Variants in PIK3C2B observed in about 807,000 individuals in gnomAD.
The protein encoded by PIK3C2B is phosphatidylinositol-4-phosphate 3-kinase catalytic subunit type 2 beta, also known as phosphatidylinositol 4-phosphate 3-kinase C2 domain-containing subunit beta.
In PIK3C2B, 83 loss-of-function variants were observed where a neutral mutation model predicts 184.3. That is an observed-to-expected ratio of 0.45 (90% CI 0.38 to 0.54). The LOEUF is 0.54. Ranked by LOEUF, PIK3C2B falls within the 20% of genes least tolerant of loss-of-function variation. PIK3C2B has a pLI of 0.00. For synonymous variants in PIK3C2B, 779 were observed against 837.6 expected (o/e 0.93, Z 1.21); for missense variants, 1,736 against 2,113.5 (o/e 0.82, Z 3.50).
chr1:204,445,601 CA>C (rs11287807), intron 16 of PIK3C2B, among the ~76,000 whole-genome samples: 24,185 of 121,494 alleles, frequency 0.2, 2,031 homozygotes, highest in East Asian at 0.43. Context: ...GACCCTGTCT[CA>C]AAAAAAAAAA....
intron 5 of PIK3C2B, among the ~76,000 whole-genome samples, chr1:204,461,623 G>A (rs1655342892): frequency 6.6e-6 from 1 of 152,184 alleles, no homozygotes; most frequent in Non-Finnish European, 1.5e-5. Flanking sequence ...GGTCCCATGA[G>A]GGCTCGAGTG....
chr1:204,458,399 A>T (rs1025226001), intron 8 of PIK3C2B, among the ~76,000 whole-genome samples: 15 of 152,038 alleles, frequency 9.9e-5, no homozygotes, highest in African/African-American at 3.6e-4. Flanking sequence ...AGGAGCCCTT[A>T]ATTAATTTAT....
At chr1:204,469,987 T>C (rs1174900463) in intron 1 of PIK3C2B, 101 bp from the exon 2 acceptor site, 1 of 590,642 alleles carries the variant, frequency 1.7e-6, no homozygotes, top group Non-Finnish European at 3.0e-6. Context: ...CAGTGCCTGC[T>C]TCTTCGTTGT....
Position 204,469,468 on chromosome 1 carries a change from T to C in PIK3C2B, c.335A>G (p.Gln112Arg). Residue 112 changes from glutamine to arginine, a missense_variant, in exon 2 of 33, where the codon CAG (glutamine) becomes CGG (arginine). By Grantham distance (43) the Gln-to-Arg change is conservative. Around this residue, in one of 8 missense-constraint regions of PIK3C2B, gnomAD observed 404 missense variants for 418.0 expected, o/e 0.97. Coordinates refer to ENST00000684373, the MANE Select transcript of PIK3C2B (RefSeq NM_001377334.1). ...TTTGGGCCAGGGATCTGAGCCAGGC[T>C]GTGGCCCTTGGGAGGTAGAGTGGTT... ...PPNHSTSQGP[Q>R]PGSDPWPKGS... 6.2e-7 allele frequency: 1 copy of C among 1,602,100 alleles called. No homozygotes were observed. The highest frequency in any genetic ancestry group is 8.5e-7 in the Non-Finnish European group (1 of 1,174,486).
chr1:204,463,919 A>G (rs926744284), intron 5 of PIK3C2B, 93 bp downstream of exon 5: 24 of 1,316,962 alleles, frequency 1.8e-5, no homozygotes, highest in Non-Finnish European at 2.5e-5. Context: ...ATTGGGGCGG[A>G]GCTGCCAGGC....
Position 204,433,328 on chromosome 1 carries a change from G to A in PIK3C2B, c.3941C>T (p.Thr1314Ile). Residue 1314 changes from threonine (T) to isoleucine (I), a missense_variant, in exon 26 of 33, where the codon ACC (threonine) becomes ATC (isoleucine). Coordinates refer to ENST00000684373, the MANE Select transcript of PIK3C2B (RefSeq NM_001377334.1). This position sits in a 1 kb window ranked among gnomAD's most constrained non-coding sequence, Gnocchi z 5.0. ...GGAATCATTTTACCTAGTGAAGTAG[G>A]TAGTGGCATTGGCCTCTGTATCCTG... ...RPQDTEANAT[T>I]YFTRLIESSL... 1 of 1,566,796 alleles carries A rather than the reference G, an allele frequency of 6.4e-7. No individual in the cohort carries two copies. The highest frequency in any genetic ancestry group is 2.2e-5 in the East Asian group (1 of 44,614).
intron 31 of PIK3C2B, 107 bp from the exon 32 acceptor site, chr1:204,425,848 A>T (rs781411419): frequency 1.8e-5 from 18 of 992,642 alleles, no homozygotes; most frequent in Non-Finnish European, 2.8e-5. Context: ...GCCATCTGGC[A>T]TCTTGCAATG....
chr1:204,451,618 T>G (rs1654366739), intron 12 of PIK3C2B, among the ~76,000 whole-genome samples: 1 of 151,714 alleles, frequency 6.6e-6, no homozygotes, highest in African/African-American at 2.4e-5. Flanking sequence ...CTCACAATCC[T>G]GGGCAACTTA....
chr1:204,431,804 C>A lies in PIK3C2B; in HGVS notation c.4156-11G>T, dbSNP rs1384792372. 1.2e-6 allele frequency: 2 copies of A among 1,614,136 alleles called. No individual in the cohort carries two copies. Among genetic ancestry groups the A allele is most frequent in the Non-Finnish European group, 1.7e-6 (2 of 1,179,984 alleles). On this transcript the variant is annotated splice_polypyrimidine_tract_variant and intron_variant, in intron 27 of 32. Transcript: ENST00000684373. ...CTTTACCACATATATCTGCAAAGGTCCAGATCTTAGGGTGTACCTGCCGAG... is the reference window on the plus strand; with the variant it reads ...CTTTACCACATATATCTGCAAAGGTACAGATCTTAGGGTGTACCTGCCGAG...
chr1:204,479,682 C>T (rs1018500924), intron 1 of PIK3C2B, among the ~76,000 whole-genome samples: 6 of 152,306 alleles, frequency 3.9e-5, no homozygotes, highest in Middle Eastern at 3.4e-3. Context: ...AGCTTTGCCT[C>T]GATACAGCAT....
chr1:204,449,945 G>A lies in PIK3C2B; in HGVS notation c.2139C>T (p.Pro713=). The change falls in exon 13 of 33, where the codon CCC becomes CCT. Residue 713 remains proline (P), a synonymous_variant. Coordinates refer to ENST00000684373, the MANE Select transcript of PIK3C2B (RefSeq NM_001377334.1). ...CTGAGGAGCTCCCCGGTGGGGGGATGGGCAGAGCATAGAGAGTGGCACACA... is the reference window on the plus strand; with the variant it reads ...CTGAGGAGCTCCCCGGTGGGGGGATAGGCAGAGCATAGAGAGTGGCACACA... ...TLLCATLYAL[P]IPPPGSSSEA... is the part of the protein sequence containing the mutation. 6.2e-7 allele frequency: 1 copy of A among 1,611,588 alleles called. No homozygotes were observed. The highest frequency in any genetic ancestry group is 8.5e-7 in the Non-Finnish European group (1 of 1,178,986).
intron 12 of PIK3C2B, among the ~76,000 whole-genome samples, chr1:204,452,058 A>C (rs1378072789): frequency 1.3e-5 from 2 of 152,156 alleles, no homozygotes; most frequent in Non-Finnish European, 2.9e-5. Context: ...TTGACCATGA[A>C]GGGCCAAGAA....
intron 2 of PIK3C2B, 75 bp downstream of exon 2, chr1:204,468,795 G>A: frequency 7.6e-7 from 1 of 1,308,934 alleles, no homozygotes; most frequent in Non-Finnish European, 1.1e-6. Flanking sequence ...GTTGGATGTA[G>A]AACAGCAGAG....
chr1:204,460,087 T>C lies in PIK3C2B; in HGVS notation c.1503-146A>G, dbSNP rs5013458. Reference sequence around the variant, plus strand: ...TTTCTATATGTCCTGTGAAGACATATAGAGGGAGAGTCTTTCTATTCTGCC... The same window carrying C: ...TTTCTATATGTCCTGTGAAGACATACAGAGGGAGAGTCTTTCTATTCTGCC... On this transcript the variant is annotated intron_variant, in intron 7 of 32. Coordinates refer to ENST00000684373, the MANE Select transcript of PIK3C2B (RefSeq NM_001377334.1). 8.5e-6 allele frequency: 6 copies of C among 705,728 alleles called. No homozygotes were observed. In the African/African-American group the frequency reaches 8.9e-5, roughly 10 times the overall value. 43.7% of individuals were successfully genotyped at this position (705,728 alleles called of 1,614,324 possible). A position where few individuals can be genotyped will look rare whatever the true frequency, so the allele number is the denominator to read the frequency against.
chr1:204,478,629 C>T (rs919828984), intron 1 of PIK3C2B, among the ~76,000 whole-genome samples: 4 of 152,200 alleles, frequency 2.6e-5, no homozygotes, highest in African/African-American at 7.2e-5. Flanking sequence ...GACAAAATAA[C>T]AGCTTGTGTT....
chr1:204,454,479 C>T (rs1041987338), intron 12 of PIK3C2B, 190 bp downstream of exon 12: 1 of 502,816 alleles, frequency 2.0e-6, no homozygotes, highest in African/African-American at 2.4e-5. Context: ...GAGGCTGCCT[C>T]TCAAAAAAAA....
chr1:204,455,574 T>C (rs1434284111), intron 11 of PIK3C2B, among the ~76,000 whole-genome samples: 1 of 151,744 alleles, frequency 6.6e-6, no homozygotes, highest in Non-Finnish European at 1.5e-5. Context: ...CTTCCACTGG[T>C]CTTGGATCTG....
At chr1:204,465,174 T>TA in intron 3 of PIK3C2B, 45 bp downstream of exon 3, 3 of 610,544 alleles carry the variant, frequency 4.9e-6, no homozygotes, top group Non-Finnish European at 6.3e-6. Context: ...CCCCTCCCCA[T>TA]CCCCCATAGC....
chr1:204,432,425 G>T (rs1675113867), intron 26 of PIK3C2B, 24 bp from the exon 27 acceptor site: 1 of 1,606,796 alleles, frequency 6.2e-7, no homozygotes, highest in Admixed American at 1.7e-5. Flanking sequence ...AAGAAAAGAG[G>T]ATATAACCAT....
Sources: allele counts gnomAD v4.1 joint callset (sites outside exome capture counted in the v4.1 genomes callset), GRCh38; gene constraint gnomAD v4.1.1; regional missense constraint gnomAD v4.1.1; non-coding constraint Gnocchi (gnomAD v3.1); transcripts MANE v1.5; gene names NCBI Gene and HGNC (gene_info 2026-07-23, HGNC 2026-07-21).